The following EBF2 variants were observed in gnomAD, a reference collection of about 807,000 sequenced individuals.
EBF2 encodes EBF transcription factor 2.
Under a neutral mutation model 72.8 loss-of-function variants are expected in EBF2, and 21 were observed. That is an observed-to-expected ratio of 0.29 (90% CI 0.20 to 0.42). EBF2 has a LOEUF of 0.42. Ranked by LOEUF, EBF2 falls within the 10% of genes least tolerant of loss-of-function variation. The pLI is 1.00. For synonymous variants in EBF2, 299 were observed against 274.2 expected (o/e 1.09, Z -0.89); for missense variants, 637 against 731.2 (o/e 0.87, Z 1.49).
At chr8:25,887,097 C>T (rs1201637455) in intron 9 of EBF2, among the ~76,000 whole-genome samples, 10 of 146,720 alleles carry the variant, frequency 6.8e-5, no homozygotes, top group African/African-American at 2.4e-4. Context: ...GTCTGTCCCT[C>T]TCTCTGTGTG....
intron 5 of EBF2, among the ~76,000 whole-genome samples, chr8:26,039,338 T>C (rs1805561435): frequency 1.3e-5 from 2 of 152,182 alleles, no homozygotes; most frequent in South Asian, 4.1e-4. Context: ...GCCAGTAGAC[T>C]GAACCTTTCA....
intron 7 of EBF2, among the ~76,000 whole-genome samples, chr8:25,906,270 C>G (rs528949782): frequency 8.5e-5 from 13 of 152,324 alleles, no homozygotes; most frequent in African/African-American, 1.2e-4. Flanking sequence ...TGCCAACTCT[C>G]TTTTCTCTGC....
At chr8:25,918,093 C>T (rs1803254121) in intron 6 of EBF2, among the ~76,000 whole-genome samples, 1 of 152,192 alleles carries the variant, frequency 6.6e-6, no homozygotes, top group Admixed American at 6.5e-5. Flanking sequence ...ATTACTTTCC[C>T]TGAACTAAGG....
At chr8:25,943,502 C>G (rs1483938887) in intron 6 of EBF2, among the ~76,000 whole-genome samples, 1 of 151,840 alleles carries the variant, frequency 6.6e-6, no homozygotes, top group East Asian at 1.9e-4. Context: ...AGAGCTAGAC[C>G]CTGTCTCTCA....
At chr8:25,889,447 G>A (rs1041842153) in intron 8 of EBF2, among the ~76,000 whole-genome samples, 1 of 152,098 alleles carries the variant, frequency 6.6e-6, no homozygotes, top group Admixed American at 6.5e-5. Context: ...GCACTGCAAT[G>A]TTCCTGTTTA....
rs1375634740 is a variant in EBF2 at position 25,894,982 on chromosome 8, G to A, written c.634-5113C>T. Among the ~76,000 whole-genome samples, 6 of 152,278 alleles carry A rather than the reference G, an allele frequency of 3.9e-5. No homozygotes were observed. In the South Asian group the frequency reaches 6.2e-4, roughly 16 times the overall value. Reference sequence around the variant, plus strand: ...TCCTGTCACCTAGACCTGATAACGTGTCTTTTCTAAGGCTGTCACTCTATT... The same window carrying A: ...TCCTGTCACCTAGACCTGATAACGTATCTTTTCTAAGGCTGTCACTCTATT... On this transcript the variant is annotated intron_variant, in intron 7 of 15. Transcript: ENST00000520164.
intron 6 of EBF2, among the ~76,000 whole-genome samples, chr8:25,993,624 C>T (rs4871963): frequency 0.3 from 46,067 of 152,000 alleles, 7,798 homozygotes; most frequent in Admixed American, 0.4. Context: ...TCATTCTTCA[C>T]GCAGCAACCG....
chr8:25,967,302 G>A (rs1023151725), intron 6 of EBF2, among the ~76,000 whole-genome samples: 1 of 152,198 alleles, frequency 6.6e-6, no homozygotes, highest in African/African-American at 2.4e-5. Context: ...TTTTTGGGTA[G>A]AGAATTGGAT....
chr8:26,038,303 G>A (rs953348577), intron 5 of EBF2, among the ~76,000 whole-genome samples: 3 of 152,188 alleles, frequency 2.0e-5, no homozygotes, highest in African/African-American at 2.4e-5. Context: ...GGTCTCCAAT[G>A]CAGAGAAGTT....
intron 6 of EBF2, among the ~76,000 whole-genome samples, chr8:25,912,274 C>T (rs1315625473): frequency 6.6e-6 from 1 of 152,130 alleles, no homozygotes; most frequent in African/African-American, 2.4e-5. Flanking sequence ...GAGCCTGGAT[C>T]TTTGTGGCAA....
chr8:25,877,927 G>C (rs910753761), intron 10 of EBF2, among the ~76,000 whole-genome samples: 2 of 152,162 alleles, frequency 1.3e-5, no homozygotes, highest in East Asian at 1.9e-4. Flanking sequence ...CCTGTCCGAA[G>C]AGCATGATTT....
chr8:25,972,760 G>A (rs1306769254), intron 6 of EBF2, among the ~76,000 whole-genome samples: 3 of 151,996 alleles, frequency 2.0e-5, no homozygotes, highest in Non-Finnish European at 4.4e-5. Context: ...TGGCCGAGTG[G>A]GCCACGATGT....
intron 9 of EBF2, 45 bp downstream of exon 9, chr8:25,887,797 C>A (rs1411797780): frequency 1.3e-6 from 2 of 1,492,404 alleles, no homozygotes; most frequent in Non-Finnish European, 1.8e-6. Flanking sequence ...TCAAAACAAT[C>A]TTTGGGCAAA....
chr8:25,851,837 C>A lies in EBF2; in HGVS notation c.1529-1076G>T, dbSNP rs560032855. 1.2e-3 allele frequency among the ~76,000 whole-genome samples: 182 copies of A among 152,308 alleles called. 4 individuals are homozygous for A. The highest frequency in any genetic ancestry group is 5.2e-3 in the South Asian group (25 of 4,824). ...AGGGCGACACTTATGACTGACCAAC[C>A]AAGTACAAGGTGAACTGAAGGTCAA... On this transcript the variant is annotated intron_variant, in intron 14 of 15. Coordinates refer to ENST00000520164, the MANE Select transcript of EBF2 (RefSeq NM_022659.4).
intron 6 of EBF2, among the ~76,000 whole-genome samples, chr8:25,931,866 T>C (rs1803487112): frequency 6.6e-6 from 1 of 152,128 alleles, no homozygotes; most frequent in Non-Finnish European, 1.5e-5. Flanking sequence ...AACACAGAGA[T>C]GTTGTTAAAA....
intron 6 of EBF2, among the ~76,000 whole-genome samples, chr8:25,931,989 T>G (rs1337129885): frequency 1.3e-5 from 2 of 152,176 alleles, no homozygotes; most frequent in African/African-American, 4.8e-5. Flanking sequence ...AGAGTTTGAT[T>G]GGCTTTGATC....
intron 10 of EBF2, among the ~76,000 whole-genome samples, chr8:25,866,778 T>C (rs1457319013): frequency 1.3e-5 from 2 of 150,608 alleles, no homozygotes; most frequent in Admixed American, 6.7e-5. Context: ...ATTACAGGCA[T>C]GCACCACCAT....
At chr8:26,013,357 A>G (rs890467875) in intron 6 of EBF2, among the ~76,000 whole-genome samples, 3 of 152,114 alleles carry the variant, frequency 2.0e-5, no homozygotes, top group Admixed American at 2.0e-4. Flanking sequence ...TGCCCTCGTG[A>G]GTTCCTGTGG....
chr8:26,034,613 G>A (rs939517149), intron 5 of EBF2, among the ~76,000 whole-genome samples: 2 of 152,182 alleles, frequency 1.3e-5, no homozygotes, highest in African/African-American at 4.8e-5. Context: ...CTTACCACCA[G>A]GGAGCCCATC....
Sources: allele counts gnomAD v4.1 joint callset (sites outside exome capture counted in the v4.1 genomes callset), GRCh38; gene constraint gnomAD v4.1.1; transcripts MANE v1.5; gene names NCBI Gene and HGNC (gene_info 2026-07-23, HGNC 2026-07-21).